CASKIN2: variants seen among roughly 807,000 people sequenced by gnomAD.
CASKIN2 encodes the protein caskin-2.
A neutral mutation model predicts 107.1 loss-of-function variants in CASKIN2; 41 were observed. The observed-to-expected ratio is 0.38, with a 90% CI of 0.30 to 0.50. The LOEUF (loss-of-function observed/expected upper bound fraction) is 0.50, where lower values mean the gene tolerates loss of function less well. CASKIN2 is among the 20% of genes least tolerant of loss of function. The pLI, the probability that CASKIN2 is intolerant of heterozygous loss-of-function variation, is 0.92. For missense variants in CASKIN2, 1,546 were observed against 1,657.4 expected (o/e 0.93, Z 1.17); for synonymous variants, 724 against 705.6 (o/e 1.03, Z -0.41).
chr17:75,514,287 C>T (rs2053338162), intron 1 of CASKIN2, 79 bp from the exon 2 acceptor site: 1 of 407,150 alleles, frequency 2.5e-6, no homozygotes, highest in Non-Finnish European at 4.3e-6. Flanking sequence ...AGAGGATGAG[C>T]AGGACAAGAC....
chr17:75,504,314 G>A lies in CASKIN2; in HGVS notation c.1376-8C>T, dbSNP rs777302412. ...GGCGGTGGCTCAGGTTGTCTTCAAG[G>A]AGAGAGAAAAATGGAATGGAAAGGT... is the stretch of plus-strand genomic sequence containing the variant. On this transcript the variant is annotated splice_region_variant and splice_polypyrimidine_tract_variant and intron_variant, in intron 13 of 19. Transcript: ENST00000321617. The A allele has an allele frequency of 3.7e-6, 6 of 1,605,602 alleles. No homozygotes were observed. Among genetic ancestry groups the A allele is most frequent in the Non-Finnish European group, 5.1e-6 (6 of 1,176,334 alleles).
intron 2 of CASKIN2, chr17:75,509,912 G>A (rs1042616262): frequency 1.0e-6 from 1 of 985,704 alleles, no homozygotes. Flanking sequence ...ACAGGAACAG[G>A]GCAAGGGCCA....
At position 75,508,289 on chromosome 17, in the gene CASKIN2, G is replaced by A. The variant is rs1253534036; in HGVS notation, c.95-4C>T. 6.2e-7 allele frequency: 1 copy of A among 1,613,450 alleles called. No homozygotes were observed. On this transcript the variant is annotated splice_polypyrimidine_tract_variant and splice_region_variant and intron_variant, in intron 2 of 19. Transcript: ENST00000321617. ...CTCTTTGTGGAGCCCAGGAGCTCTA[G>A]GGGTCAGGATAGGAGGTGTCAGGGC...
At position 75,503,188 on chromosome 17, in the gene CASKIN2, C is replaced by T; in HGVS notation, c.1886G>A (p.Gly629Glu). ...GCGCCCGCCTTCGCTGAGGGCCTCC[C>T]CCTGCAGCAGGCCCCGCCGAAGCTC... Reference protein sequence around the residue: ...LAELRRGLLQGEALSEGGRRL... With the variant: ...LAELRRGLLQEEALSEGGRRL... Residue 629 changes from glycine to glutamate, a missense_variant, in exon 18 of 20, where the codon GGG (glycine) becomes GAG (glutamate). By Grantham distance (98) the Gly-to-Glu change is moderately conservative. Around this residue, in one of 6 missense-constraint regions of CASKIN2, gnomAD observed 1,311 missense variants for 1,311.0 expected, o/e 1.00. Coordinates refer to ENST00000321617, the MANE Select transcript of CASKIN2 (RefSeq NM_020753.5). The T allele has an allele frequency of 6.2e-7, 1 of 1,601,598 alleles. No individual in the cohort carries two copies. The highest frequency in any genetic ancestry group is 8.5e-7 in the Non-Finnish European group (1 of 1,176,444).
At position 75,505,005 on chromosome 17, in the gene CASKIN2, G is replaced by A. The variant is rs1204836516; in HGVS notation, c.999C>T (p.Arg333=). The A allele has an allele frequency of 6.2e-7, 1 of 1,612,296 alleles. No homozygotes were observed. Among genetic ancestry groups the A allele is most frequent in the African/African-American group, 1.3e-5 (1 of 74,976 alleles). The change falls in exon 11 of 20, where the codon CGC becomes CGT. Residue 333 remains arginine (R), a synonymous_variant. Transcript: ENST00000321617. This position sits in a 1 kb window ranked among gnomAD's most constrained non-coding sequence, Gnocchi z 5.1. ...HIHESQRGTD[R]IGYFPPGIVE... ...CAATGCCCGGGGGGAAGTAGCCTAT[G>A]CGGTCTGTGCCCCTCTGGCTCTCGT... is the stretch of plus-strand genomic sequence containing the variant.
In CASKIN2 at chr17:75,506,298, T is replaced by C. The variant is rs1258124162; in HGVS notation, c.726+7A>G. 3 of 1,606,288 alleles carry C rather than the reference T, an allele frequency of 1.9e-6. No individual in the cohort carries two copies. Among genetic ancestry groups the C allele is most frequent in the South Asian group, 1.1e-5 (1 of 90,960 alleles). On this transcript the variant is annotated splice_region_variant and intron_variant, in intron 8 of 19. Coordinates refer to ENST00000321617, the MANE Select transcript of CASKIN2 (RefSeq NM_020753.5). The surrounding 1 kb of genome is among the most constrained non-coding windows in gnomAD (Gnocchi z 4.8). ...ACACCTGCGAGGGAGCAGGGGCCCA[T>C]ACCCACCTCCAGAAGCAGCCGCACC...
rs1221865931 is a variant in CASKIN2 at position 75,506,551 on chromosome 17, G to A, written c.617+32C>T. On this transcript the variant is annotated intron_variant, in intron 7 of 19. Coordinates refer to ENST00000321617, the MANE Select transcript of CASKIN2 (RefSeq NM_020753.5). The surrounding 1 kb of genome is among the most constrained non-coding windows in gnomAD (Gnocchi z 4.8). ...GGGGCACCGATGGTCCCGCAGGCAGGTGATGAGGAAGCGAGGGGACCCCAA... is the reference window on the plus strand; with the variant it reads ...GGGGCACCGATGGTCCCGCAGGCAGATGATGAGGAAGCGAGGGGACCCCAA... The A allele has an allele frequency of 2.5e-6, 4 of 1,609,676 alleles. No homozygotes were observed. The highest frequency in any genetic ancestry group is 2.2e-5 in the South Asian group (2 of 90,876).
chr17:75,504,424 C>A lies in CASKIN2; in HGVS notation c.1371G>T (p.Leu457=). The A allele has an allele frequency of 6.2e-7, 1 of 1,606,960 alleles. No individual in the cohort carries two copies. The highest frequency in any genetic ancestry group is 8.5e-7 in the Non-Finnish European group (1 of 1,175,026). The change falls in exon 13 of 20, where the codon CTG becomes CTT. Residue 457 remains leucine, a synonymous_variant. Transcript: ENST00000321617. The part of the protein sequence containing the change: ...QVLPGLHPPS[L]ADNLSHRPLA... ...AGGTCCCCTGACCCTTCCTACCTGC[C>A]AGGGACGGCGGGTGGAGTCCTGGCA...
intron 1 of CASKIN2, among the ~76,000 whole-genome samples, chr17:75,514,894 G>GC (rs1220659426): frequency 1.3e-5 from 2 of 151,966 alleles, no homozygotes; most frequent in Non-Finnish European, 2.9e-5. Flanking sequence ...GGGCTCCCAA[G>GC]CCCCCCAAGC....
At position 75,503,592 on chromosome 17, in the gene CASKIN2, G is replaced by C. The variant is rs1026812682; in HGVS notation, c.1681-65C>G. On this transcript the variant is annotated intron_variant, in intron 16 of 19. Coordinates refer to ENST00000321617, the MANE Select transcript of CASKIN2 (RefSeq NM_020753.5). The stretch of plus-strand genomic sequence containing the variant: ...TCCGCCCCCAGCCAGAGGAGAAAAG[G>C]CACCGCAAAGCCACAGCTGAGGGTG... 2.5e-6 allele frequency: 4 copies of C among 1,603,584 alleles called. No individual in the cohort carries two copies. The Admixed American group carries it at 6.7e-5, about 27-fold the overall frequency.
At position 75,502,436 on chromosome 17, in the gene CASKIN2, A is replaced by G. The variant is rs2053208863; in HGVS notation, c.2638T>C (p.Ser880Pro). 3 of 1,393,076 alleles carry G rather than the reference A, an allele frequency of 2.2e-6. No individual in the cohort carries two copies. Among genetic ancestry groups the G allele is most frequent in the Admixed American group, 3.2e-5 (1 of 30,884 alleles). The allele number at this position is 1,393,076 out of a possible 1,614,324, so 86.3% of individuals were successfully genotyped here. The change falls in exon 18 of 20, where the codon TCT (serine) becomes CCT (proline). Residue 880 changes from serine (S) to proline (P), a missense_variant. Coordinates refer to ENST00000321617, the MANE Select transcript of CASKIN2 (RefSeq NM_020753.5). The surrounding 1 kb of genome is among the most constrained non-coding windows in gnomAD (Gnocchi z 4.3). The stretch of plus-strand genomic sequence containing the variant: ...GGAGGTGGCTCCGGGCTGGGGCCAG[A>G]GACGGAGCTGAGGCGCTTGGGGGGC... Reference protein sequence around the residue: ...PPPPKRLSSVSGPSPEPPPLD... With the variant: ...PPPPKRLSSVPGPSPEPPPLD...
At chr17:75,511,004 G>C (rs958393688) in intron 2 of CASKIN2, among the ~76,000 whole-genome samples, 1 of 151,164 alleles carries the variant, frequency 6.6e-6, no homozygotes, top group African/African-American at 2.4e-5. Context: ...AGGATCACTA[G>C]AGCCCAGGAG....
Position 75,501,591 on chromosome 17 carries a change from C to A in CASKIN2, c.3395G>T (p.Arg1132Leu). Residue 1132 changes from arginine to leucine, a missense_variant, in exon 19 of 20, where the codon CGG becomes CTG. By Grantham distance (102) the Arg-to-Leu change is moderately radical. Coordinates refer to ENST00000321617, the MANE Select transcript of CASKIN2 (RefSeq NM_020753.5). The stretch of plus-strand genomic sequence containing the variant: ...GCCCACAGTCCCAGTGCTCTCAGGC[C>A]GTGGAGGAGGCACTGGGCGGGGGCC... ...RLGPRPVPPP[R>L]PESTGTVGPG... 1.2e-6 allele frequency: 2 copies of A among 1,607,660 alleles called. No homozygotes were observed. Among genetic ancestry groups the A allele is most frequent in the Non-Finnish European group, 1.7e-6 (2 of 1,176,656 alleles).
Position 75,501,021 on chromosome 17 carries a change from T to C in CASKIN2, c.*59A>G. The C allele has an allele frequency of 6.7e-7, 1 of 1,503,414 alleles. No homozygotes were observed. Among genetic ancestry groups the C allele is most frequent in the Non-Finnish European group, 9.0e-7 (1 of 1,107,666 alleles). The allele number at this position is 1,503,414 out of a possible 1,614,324, so 93.1% of individuals were successfully genotyped here. On this transcript the variant is annotated 3_prime_UTR_variant, in exon 20 of 20. Transcript: ENST00000321617. ...CGTCCCTAGGGTGGCAGGGGCCTCT[T>C]CTGTGCTGGGGCAAAGGCAGTGGAC...
chr17:75,508,097 G>A (rs1009888068), intron 3 of CASKIN2, 137 bp downstream of exon 3: 35 of 966,786 alleles, frequency 3.6e-5, no homozygotes, highest in Admixed American at 1.1e-4. Flanking sequence ...CCCACAGCTC[G>A]CAGCAAATAC....
At position 75,505,374 on chromosome 17, in the gene CASKIN2, A is replaced by G. The variant is rs1007399045; in HGVS notation, c.930+183T>C. 1 of 658,522 alleles carries G rather than the reference A, an allele frequency of 1.5e-6. No homozygotes were observed. The highest frequency in any genetic ancestry group is 2.6e-6 in the Non-Finnish European group (1 of 378,306). 40.8% of individuals were successfully genotyped at this position (658,522 alleles called of 1,614,324 possible). A position where few individuals can be genotyped will look rare whatever the true frequency, so the allele number is the denominator to read the frequency against. On this transcript the variant is annotated intron_variant, in intron 10 of 19. Transcript: ENST00000321617. The surrounding 1 kb of genome is among the most constrained non-coding windows in gnomAD (Gnocchi z 5.1). ...ATTTCTCTTGATTTTATTTTGTTTA[A>G]TTCTCAATTTTGTCATCTGTAAAGA...
In CASKIN2 at chr17:75,503,471, C is replaced by A. The variant is rs1437570865; in HGVS notation, c.1737G>T (p.Leu579=). 6.2e-7 allele frequency: 1 copy of A among 1,612,630 alleles called. No individual in the cohort carries two copies. Among genetic ancestry groups the A allele is most frequent in the African/African-American group, 1.3e-5 (1 of 74,930 alleles). Residue 579 remains leucine (L), a synonymous_variant, in exon 17 of 20, where the codon CTG becomes CTT. Transcript: ENST00000321617. ...ALGLPQYHKQ[L]VSSGYDSMGL... ...CCATGGAGTCGTAGCCGCTGCTCAC[C>A]AGCTGCTTGTGGTACTGTGGCAGCC...
In CASKIN2 at chr17:75,503,644, C is replaced by T. The variant is rs1186388453; in HGVS notation, c.1680+15G>A. On this transcript the variant is annotated intron_variant, in intron 16 of 19. Transcript: ENST00000321617. The stretch of plus-strand genomic sequence containing the variant: ...CAGCACGTGCCCCACTCCCCAGCCA[C>T]CCTTGATGGCTCACTGGGATGTAGC... 6.2e-7 allele frequency: 1 copy of T among 1,610,472 alleles called. No individual in the cohort carries two copies. Among genetic ancestry groups the T allele is most frequent in the South Asian group, 1.1e-5 (1 of 91,068 alleles).
chr17:75,512,845 C>T (rs1253490046), intron 2 of CASKIN2, among the ~76,000 whole-genome samples: 2 of 150,336 alleles, frequency 1.3e-5, no homozygotes, highest in East Asian at 2.0e-4. Flanking sequence ...GGCTGCAGTG[C>T]GCTGAGATCA....
Sources: gnomAD v4.1 joint callset for allele counts (sites outside exome capture counted in the v4.1 genomes callset) on GRCh38, gnomAD v4.1.1 for gene constraint, gnomAD v4.1.1 regional missense constraint, Gnocchi (gnomAD v3.1) non-coding constraint, MANE v1.5 for transcripts, NCBI Gene and HGNC (gene_info 2026-07-23, HGNC 2026-07-21) for gene names.